Variants in RTF1 observed in about 807,000 individuals in gnomAD.
RTF1 encodes the protein RNA polymerase-associated protein RTF1 homolog.
Under a neutral mutation model 95.7 loss-of-function variants are expected in RTF1, and 10 were observed. That is an observed-to-expected ratio of 0.10 (90% confidence interval 0.06 to 0.18). RTF1 has a LOEUF of 0.18. RTF1 is among the 10% of genes least tolerant of loss of function. The probability of loss-of-function intolerance (pLI) is 1.00; values close to 1 mark genes in which losing one functional copy is unlikely to be tolerated. For missense variants in RTF1, 458 were observed against 875.6 expected, an observed-to-expected ratio of 0.52 and a Z score of 6.02; for synonymous variants, 305 against 311.8, an observed-to-expected ratio of 0.98 and a Z score of 0.23.
chr15:41,422,306 A>T (rs2050606678), intron 1 of RTF1, among the ~76,000 whole-genome samples: 1 of 152,186 alleles, frequency 6.6e-6, no homozygotes, highest in Admixed American at 6.6e-5. Context: ...GAAAGTTTTT[A>T]AAACTAAGAC....
At chr15:41,428,554 T>C (rs2050650755) in intron 1 of RTF1, among the ~76,000 whole-genome samples, 2 of 150,718 alleles carry the variant, frequency 1.3e-5, no homozygotes, top group Non-Finnish European at 3.0e-5. Flanking sequence ...AAGTGTGAGC[T>C]ACCGTGTCCG....
intron 2 of RTF1, among the ~76,000 whole-genome samples, chr15:41,450,857 A>T (rs1048218536): frequency 6.6e-6 from 1 of 151,922 alleles, no homozygotes; most frequent in South Asian, 2.1e-4. Flanking sequence ...AGGCTGAGGT[A>T]GGAGGATCAC....
intron 6 of RTF1, among the ~76,000 whole-genome samples, chr15:41,469,893 C>G (rs1316063938): frequency 6.6e-6 from 1 of 152,154 alleles, no homozygotes; most frequent in Admixed American, 6.6e-5. Flanking sequence ...TAGCCACTCT[C>G]CTATTTTAAA....
intron 16 of RTF1, 27 bp from the exon 17 acceptor site, chr15:41,480,187 C>A (rs867140446): frequency 7.1e-7 from 1 of 1,413,834 alleles, no homozygotes; most frequent in Middle Eastern, 1.8e-4. Flanking sequence ...TATGCTCTTA[C>A]CATTAGCTTT....
chr15:41,456,626 A>G (rs1460079985), intron 3 of RTF1, among the ~76,000 whole-genome samples: 1 of 151,888 alleles, frequency 6.6e-6, no homozygotes, highest in Non-Finnish European at 1.5e-5. Flanking sequence ...GTGAAACCCC[A>G]TCTCTGCTGA....
chr15:41,439,066 T>C (rs1465208643), intron 2 of RTF1, among the ~76,000 whole-genome samples: 1 of 147,178 alleles, frequency 6.8e-6, no homozygotes, highest in Non-Finnish European at 1.5e-5. Flanking sequence ...AGAGTCTCAC[T>C]CTGTCACCAG....
At chr15:41,417,366 C>T (rs2050576524) in intron 1 of RTF1, 53 bp downstream of exon 1, 3 of 1,238,248 alleles carry the variant, frequency 2.4e-6, no homozygotes, top group Non-Finnish European at 3.1e-6. Context: ...GCTGTCGGGG[C>T]CGCGGGAGCC....
chr15:41,435,235 A>G (rs1000348659), intron 1 of RTF1, among the ~76,000 whole-genome samples: 3 of 152,196 alleles, frequency 2.0e-5, no homozygotes, highest in African/African-American at 7.2e-5. Flanking sequence ...TCTCTGTATC[A>G]GAGAAGATAA....
Position 41,438,348 on chromosome 15 carries a change from C to T in RTF1, c.226C>T (p.Arg76Cys). The change falls in exon 2 of 18, where the codon CGC (arginine) becomes TGC (cysteine). Residue 76 changes from arginine to cysteine, a missense_variant. By Grantham distance (180) the Arg-to-Cys change is radical (BLOSUM62 -3). Coordinates refer to ENST00000389629, the MANE Select transcript of RTF1 (RefSeq NM_015138.5). ...GCTCTTGTCCCTGGCAAAGCGAAAG[C>T]GCAGTGACTCTGAGGAGAAGGAGCC... ...QELLSLAKRK[R>C]SDSEEKEPPV... 1.3e-6 allele frequency: 2 copies of T among 1,550,818 alleles called. No individual in the cohort carries two copies. The highest frequency in any genetic ancestry group is 1.7e-6 in the Non-Finnish European group (2 of 1,146,366).
chr15:41,430,174 A>G (rs1267554264), intron 1 of RTF1, among the ~76,000 whole-genome samples: 3 of 110,256 alleles, frequency 2.7e-5, no homozygotes, highest in Non-Finnish European at 5.7e-5. Context: ...TGTCTGGCTA[A>G]TTTTTTTTTT....
chr15:41,453,137 C>A, intron 3 of RTF1, 89 bp downstream of exon 3: 1 of 1,121,886 alleles, frequency 8.9e-7, no homozygotes, highest in Non-Finnish European at 1.2e-6. Context: ...AAGGGGGGTA[C>A]TTGCATTCAG....
intron 1 of RTF1, among the ~76,000 whole-genome samples, chr15:41,420,052 C>G (rs187361686): frequency 1.1e-3 from 166 of 152,208 alleles, no homozygotes; most frequent in Non-Finnish European, 2.0e-3. Context: ...AACTCCTGAC[C>G]TCAAGTGATA....
At chr15:41,435,045 C>A (rs1183181842) in intron 1 of RTF1, among the ~76,000 whole-genome samples, 1 of 151,484 alleles carries the variant, frequency 6.6e-6, no homozygotes, top group Admixed American at 6.6e-5. Flanking sequence ...ACTGCAACCT[C>A]TGCCTCCTGG....
chr15:41,461,307 A>C (rs2050847385), intron 4 of RTF1, among the ~76,000 whole-genome samples: 1 of 151,748 alleles, frequency 6.6e-6, no homozygotes, highest in Admixed American at 6.6e-5. Context: ...TCTGCCTCCC[A>C]AAGTGCTGGG....
At chr15:41,449,993 T>C (rs1218135020) in intron 2 of RTF1, among the ~76,000 whole-genome samples, 1 of 151,888 alleles carries the variant, frequency 6.6e-6, no homozygotes, top group East Asian at 1.9e-4. Flanking sequence ...CTTAGGAGTT[T>C]GAGACTAGCC....
chr15:41,454,311 G>C (rs2050802284), intron 3 of RTF1, among the ~76,000 whole-genome samples: 1 of 151,920 alleles, frequency 6.6e-6, no homozygotes, highest in Non-Finnish European at 1.5e-5. Context: ...GGCTGGTCTT[G>C]AACTCCTGAC....
At chr15:41,466,828 A>T (rs906848648) in intron 6 of RTF1, among the ~76,000 whole-genome samples, 3 of 152,068 alleles carry the variant, frequency 2.0e-5, no homozygotes, top group Non-Finnish European at 4.4e-5. Context: ...GAACTGGGTC[A>T]TTTGTCTTCT....
At chr15:41,426,911 G>A (rs1325061314) in intron 1 of RTF1, among the ~76,000 whole-genome samples, 4 of 146,884 alleles carry the variant, frequency 2.7e-5, no homozygotes, top group East Asian at 4.1e-4. Flanking sequence ...GTGTGATCTC[G>A]GCTCACTGCA....
In RTF1 at chr15:41,417,160, G is replaced by C. The variant is rs370691198; in HGVS notation, c.45G>C (p.Ala15=). ...TGGGTCGAGCAGCGGCGGCGGCGGC[G>C]GCAGTGGCGGTCCCACTGGCAGGCG... ...LCVGRAAAAA[A]AVAVPLAGGQ... The change falls in exon 1 of 18, where the codon GCG becomes GCC. Residue 15 remains alanine (A), a synonymous_variant. Transcript: ENST00000389629. 15 of 1,260,682 alleles carry C rather than the reference G, an allele frequency of 1.2e-5. No individual in the cohort carries two copies. In the African/African-American group the frequency reaches 2.2e-4, roughly 18 times the overall value. The allele number at this position is 1,260,682 out of a possible 1,614,324, so 78.1% of individuals were successfully genotyped here. A position where few individuals can be genotyped will look rare whatever the true frequency, so the allele number is the denominator to read the frequency against.
Sources: allele counts gnomAD v4.1 joint callset (sites outside exome capture counted in the v4.1 genomes callset), GRCh38; gene constraint gnomAD v4.1.1; transcripts MANE v1.5; gene names NCBI Gene and HGNC (gene_info 2026-07-23, HGNC 2026-07-21).